The following DAB1 variants were observed in gnomAD, a reference collection of about 807,000 sequenced individuals.
DAB1 encodes the protein disabled homolog 1.
A neutral mutation model predicts 64.6 loss-of-function variants in DAB1; 15 were observed. The observed-to-expected ratio is 0.23, with a 90% CI of 0.16 to 0.36. The LOEUF (loss-of-function observed/expected upper bound fraction) is 0.36, where lower values mean the gene tolerates loss of function less well. Ranked by LOEUF, DAB1 falls within the 10% of genes least tolerant of loss-of-function variation. The probability of loss-of-function intolerance (pLI) is 1.00; values close to 1 mark genes in which losing one functional copy is unlikely to be tolerated. For missense variants in DAB1, 596 were observed against 706.7 expected (o/e 0.84, Z 1.78); for synonymous variants, 235 against 251.9 (o/e 0.93, Z 0.64).
At chr1:58,351,142 G>C (rs1644051428) in intron 3 of DAB1, among the ~76,000 whole-genome samples, 1 of 152,100 alleles carries the variant, frequency 6.6e-6, no homozygotes, top group Admixed American at 6.6e-5. Context: ...TTTGAGCAGT[G>C]GTTTGTAGTT....
chr1:58,001,740 T>C (rs1254200287), intron 5 of DAB1, among the ~76,000 whole-genome samples: 1 of 152,190 alleles, frequency 6.6e-6, no homozygotes, highest in African/African-American at 2.4e-5. Context: ...GGCAGAATAA[T>C]GGTCCCCAAA....
At chr1:58,025,651 G>GTATGTA (rs1646881373) in intron 5 of DAB1, among the ~76,000 whole-genome samples, 6 of 75,292 alleles carry the variant, frequency 8.0e-5, no homozygotes, top group Non-Finnish European at 3.1e-5. Context: ...ATATATGTGT[G>GTATGTA]TATATATATA....
chr1:57,704,850 A>C (rs1466702151), intron 6 of DAB1, among the ~76,000 whole-genome samples: 1 of 115,122 alleles, frequency 8.7e-6, no homozygotes, highest in African/African-American at 3.1e-5. Flanking sequence ...TGTGACTCTA[A>C]AATGCCCTTG....
At chr1:57,960,017 T>C (rs141035417) in intron 5 of DAB1, among the ~76,000 whole-genome samples, 34 of 152,350 alleles carry the variant, frequency 2.2e-4, no homozygotes, top group Admixed American at 3.9e-4. Context: ...CTTGCTGGCA[T>C]ACCTTATGCA....
intron 7 of DAB1, among the ~76,000 whole-genome samples, chr1:57,535,470 C>CTTTTTT (rs11358277): frequency 7.7e-6 from 1 of 130,502 alleles, no homozygotes; most frequent in Admixed American, 8.0e-5. Flanking sequence ...GTTGGACATT[C>CTTTTTT]TTTTTTTTTT....
chr1:58,096,548 A>G lies in DAB1; in HGVS notation n.387+53963T>C, dbSNP rs541545878. 1.8e-4 allele frequency among the ~76,000 whole-genome samples: 27 copies of G among 152,360 alleles called. No homozygotes were observed. The South Asian group carries it at 5.6e-3, about 32-fold the overall frequency. ...AGATATTGGATAAAAGTAGTCATTA[A>G]GACAATGATACTTTGTTATTGCCTG... On this transcript the variant is annotated intron_variant and non_coding_transcript_variant, in intron 5 of 20. Transcript: ENST00000485760.
chr1:57,791,257 T>C (rs1387496904), intron 6 of DAB1, among the ~76,000 whole-genome samples: 1 of 152,200 alleles, frequency 6.6e-6, no homozygotes, highest in African/African-American at 2.4e-5. Context: ...CCCCCTGTGT[T>C]GGAACTTGAC....
chr1:57,682,130 T>C (rs1325496569), intron 6 of DAB1, among the ~76,000 whole-genome samples: 4 of 151,698 alleles, frequency 2.6e-5, no homozygotes, highest in African/African-American at 4.9e-5. Flanking sequence ...GGTGTAAACA[T>C]GGAAGGGATA....
At position 57,404,408 on chromosome 1, in the gene DAB1, G is replaced by A. The variant is rs147060570; in HGVS notation, c.-137+19522C>T. Among the ~76,000 whole-genome samples the A allele has an allele frequency of 1.3e-3, 192 of 152,264 alleles. 8 individuals are homozygous for A. In the East Asian group the frequency reaches 0.034, roughly 27 times the overall value. On this transcript the variant is annotated intron_variant, in intron 1 of 14. Coordinates refer to ENST00000371236, the MANE Select transcript of DAB1 (RefSeq NM_001365792.1). ...AATCAAAATAGCAGATAAAATAGAT[G>A]ATATCTTTATTCCCGTTTCACAGAT...
At chr1:57,037,606 A>G (rs1203163560) in intron 9 of DAB1, among the ~76,000 whole-genome samples, 2 of 152,268 alleles carry the variant, frequency 1.3e-5, no homozygotes, top group Non-Finnish European at 1.5e-5. Context: ...ACACCTACAG[A>G]TTCCAGGCAT....
intron 2 of DAB1, among the ~76,000 whole-genome samples, chr1:57,205,460 A>G (rs1385721907): frequency 6.6e-6 from 1 of 152,214 alleles, no homozygotes; most frequent in Non-Finnish European, 1.5e-5. Flanking sequence ...TAGACAGAAG[A>G]CAGCAGAATC....
intron 2 of DAB1, among the ~76,000 whole-genome samples, chr1:57,154,067 GCT>G (rs1351541610): frequency 1.3e-5 from 2 of 152,100 alleles, no homozygotes; most frequent in East Asian, 3.8e-4. Context: ...ATCCAATTAT[GCT>G]CTTTCAGTTA....
intron 1 of DAB1, among the ~76,000 whole-genome samples, chr1:58,531,019 A>G (rs58370911): frequency 0.016 from 2,510 of 152,336 alleles, 56 homozygotes; most frequent in East Asian, 0.12. Flanking sequence ...CTTGTGAAAT[A>G]GCTACAATTA....
intron 5 of DAB1, among the ~76,000 whole-genome samples, chr1:57,890,598 G>A (rs755233383): frequency 3.3e-5 from 5 of 151,610 alleles, no homozygotes; most frequent in African/African-American, 4.8e-5. Context: ...TGGGATCCCC[G>A]GCATGCACTA....
chr1:58,388,050 C>T (rs1384282753), intron 3 of DAB1, among the ~76,000 whole-genome samples: 1 of 152,134 alleles, frequency 6.6e-6, no homozygotes, highest in African/African-American at 2.4e-5. Flanking sequence ...AAGACAATTA[C>T]ATTTCTTTTA....
At chr1:57,152,708 T>C (rs1659808479) in intron 2 of DAB1, among the ~76,000 whole-genome samples, 1 of 152,254 alleles carries the variant, frequency 6.6e-6, no homozygotes, top group Admixed American at 6.5e-5. Context: ...ATGATATTTA[T>C]GAATAGTTAA....
intron 9 of DAB1, chr1:57,033,517 T>A (rs1647030844): frequency 1.2e-6 from 2 of 1,612,862 alleles, no homozygotes; most frequent in Non-Finnish European, 1.7e-6. Context: ...GGGCTGTAAT[T>A]CTTACCGGGG....
intron 4 of DAB1, among the ~76,000 whole-genome samples, chr1:57,131,786 C>G (rs1468573343): frequency 6.6e-6 from 1 of 152,178 alleles, no homozygotes; most frequent in African/African-American, 2.4e-5. Flanking sequence ...CTGGGCCACT[C>G]TCACCTCCTA....
chr1:58,226,530 T>C (rs1407924833), intron 4 of DAB1, among the ~76,000 whole-genome samples: 1 of 152,158 alleles, frequency 6.6e-6, no homozygotes, highest in East Asian at 1.9e-4. Context: ...CCATCAAAGG[T>C]GTGACATGAA....
Sources: allele counts gnomAD v4.1 joint callset (sites outside exome capture counted in the v4.1 genomes callset), GRCh38; gene constraint gnomAD v4.1.1; transcripts MANE v1.5; gene names NCBI Gene and HGNC (gene_info 2026-07-23, HGNC 2026-07-21).